NRF1: variants seen among roughly 807,000 people sequenced by gnomAD.
NRF1 encodes nuclear respiratory factor 1.
In NRF1, 5 loss-of-function variants were observed where a neutral mutation model predicts 58.5. The ratio of observed to expected loss-of-function variants is 0.09; its 90% CI spans 0.04 to 0.18. The LOEUF (loss-of-function observed/expected upper bound fraction) is 0.18, where lower values mean the gene tolerates loss of function less well. Ranked by LOEUF, NRF1 falls within the 10% of genes least tolerant of loss-of-function variation. The pLI is 1.00. For missense variants in NRF1, 288 were observed against 657.7 expected, an observed-to-expected ratio of 0.44 and a Z score of 6.15; for synonymous variants, 224 against 246.7, an observed-to-expected ratio of 0.91 and a Z score of 0.86.
At chr7:129,619,785 G>A (rs964348626) in intron 1 of NRF1, among the ~76,000 whole-genome samples, 5 of 134,136 alleles carry the variant, frequency 3.7e-5, no homozygotes, top group African/African-American at 1.4e-4. Flanking sequence ...TCTGAGAATT[G>A]GAGATTTCAT....
At chr7:129,680,465 A>G (rs903928517) in intron 4 of NRF1, among the ~76,000 whole-genome samples, 9 of 152,244 alleles carry the variant, frequency 5.9e-5, no homozygotes, top group Admixed American at 5.9e-4. Context: ...GAGAACTGAA[A>G]GCATATGTTC....
intron 4 of NRF1, among the ~76,000 whole-genome samples, chr7:129,683,730 G>A (rs951767914): frequency 6.8e-6 from 1 of 147,414 alleles, no homozygotes. Flanking sequence ...TGCCTCCCAG[G>A]TTCAAGCAAT....
At chr7:129,657,942 T>A (rs1801695794) in intron 2 of NRF1, among the ~76,000 whole-genome samples, 1 of 152,196 alleles carries the variant, frequency 6.6e-6, no homozygotes, top group South Asian at 2.1e-4. Context: ...CTTGCAGTTA[T>A]AACTTGAGCC....
At chr7:129,647,050 C>A (rs1801422202) in intron 1 of NRF1, among the ~76,000 whole-genome samples, 1 of 151,994 alleles carries the variant, frequency 6.6e-6, no homozygotes, top group African/African-American at 2.4e-5. Context: ...TTCTTTTTTT[C>A]TTCGAGATGG....
At chr7:129,677,601 C>T in intron 3 of NRF1, 31 bp from the exon 4 acceptor site, 1 of 1,611,034 alleles carries the variant, frequency 6.2e-7, no homozygotes, top group Non-Finnish European at 8.5e-7. Flanking sequence ...CTTTTTAAAA[C>T]TTTTTATTCT....
chr7:129,748,663 CAAAGT>C (rs1237629822), intron 10 of NRF1, among the ~76,000 whole-genome samples: 11 of 150,114 alleles, frequency 7.3e-5, no homozygotes, highest in Admixed American at 6.9e-4. Flanking sequence ...TAGGAGAAAG[CAAAGT>C]AATGTTTTTG....
At position 129,716,728 on chromosome 7, in the gene NRF1, AG is replaced by A. The variant is rs538781497; in HGVS notation, c.1066-487del. 6.5e-3 allele frequency among the ~76,000 whole-genome samples: 996 copies of A among 152,178 alleles called. 2 individuals are homozygous for A. Among genetic ancestry groups the A allele is most frequent in the Middle Eastern group, 0.01 (3 of 294 alleles). On this transcript the variant is annotated intron_variant, in intron 8 of 10. Transcript: ENST00000393232. ...TTTACCAAAAATACAAAAATTAGCC[AG>A]GGGTGGTGGTACACACCTATAGTCC...
chr7:129,612,284 C>G (rs951362899), intron 1 of NRF1, among the ~76,000 whole-genome samples: 28 of 100,980 alleles, frequency 2.8e-4, no homozygotes, highest in African/African-American at 9.6e-4. Flanking sequence ...CGGCCCTTCC[C>G]GGCTCTCGTA....
intron 10 of NRF1, among the ~76,000 whole-genome samples, chr7:129,728,316 C>G (rs992996251): frequency 3.9e-5 from 6 of 151,944 alleles, no homozygotes; most frequent in Admixed American, 3.9e-4. Context: ...GTCAGGAGTT[C>G]AAGACCAGCC....
At chr7:129,620,611 T>C (rs989474834) in intron 1 of NRF1, among the ~76,000 whole-genome samples, 1 of 152,216 alleles carries the variant, frequency 6.6e-6, no homozygotes, top group South Asian at 2.1e-4. Context: ...TGGTCTTGAA[T>C]TCCTGACCTT....
chr7:129,616,522 C>T (rs1021109701), intron 1 of NRF1, among the ~76,000 whole-genome samples: 2 of 152,306 alleles, frequency 1.3e-5, no homozygotes, highest in South Asian at 2.1e-4. Context: ...ATCACTTGAA[C>T]TTAGGAGTTT....
chr7:129,667,055 T>C (rs1197279885), intron 2 of NRF1, among the ~76,000 whole-genome samples: 3 of 152,168 alleles, frequency 2.0e-5, no homozygotes, highest in African/African-American at 7.2e-5. Context: ...CACTCATGAG[T>C]CACTGAAAGG....
chr7:129,725,384 AT>A (rs1412461107), intron 9 of NRF1, among the ~76,000 whole-genome samples: 10 of 146,592 alleles, frequency 6.8e-5, no homozygotes, highest in African/African-American at 2.5e-4. Context: ...CTGGAGTGCA[AT>A]GGCATGATAT....
intron 2 of NRF1, among the ~76,000 whole-genome samples, chr7:129,664,142 G>A (rs1801867523): frequency 6.6e-6 from 1 of 151,368 alleles, no homozygotes; most frequent in Non-Finnish European, 1.5e-5. Flanking sequence ...GGGGGAGGGG[G>A]AGGGGGAAAG....
Position 129,662,383 on chromosome 7 carries a change from A to AGTGTGTGT in NRF1, c.223+4842_223+4849dup, listed in dbSNP as rs3042950. Among the ~76,000 whole-genome samples the AGTGTGTGT allele has an allele frequency of 4.4e-3, 637 of 145,846 alleles. 4 individuals carry two copies. Among genetic ancestry groups the AGTGTGTGT allele is most frequent in the African/African-American group, 6.8e-3 (270 of 39,764 alleles). ...TTTTTCCTCCAGTTTTAGAATTTCT[A>AGTGTGTGT]GTGTGTGTGTGTGTGTGTGTGTGTG... On this transcript the variant is annotated intron_variant, in intron 2 of 10. Coordinates refer to ENST00000393232, the MANE Select transcript of NRF1 (RefSeq NM_005011.5).
chr7:129,631,639 T>TTA (rs1801052120), intron 1 of NRF1, among the ~76,000 whole-genome samples: 1 of 152,166 alleles, frequency 6.6e-6, no homozygotes, highest in Non-Finnish European at 1.5e-5. Flanking sequence ...TATCATAGCA[T>TTA]ATTATAAGAT....
At chr7:129,616,005 G>T (rs1164457061) in intron 1 of NRF1, among the ~76,000 whole-genome samples, 2 of 152,086 alleles carry the variant, frequency 1.3e-5, no homozygotes, top group Admixed American at 6.5e-5. Flanking sequence ...ATTTTTGACT[G>T]CTCAAGAAAA....
In NRF1 at chr7:129,624,388, A is replaced by G. The variant is rs35245568; in HGVS notation, c.-7+12564A>G. On this transcript the variant is annotated intron_variant, in intron 1 of 10. Transcript: ENST00000393232. ...CAAGCACAGTGCCTGAGACATAGCA[A>G]GCAGTATTTATTTGAATGATTGTAG... is the stretch of plus-strand genomic sequence containing the variant. 5.7e-3 allele frequency among the ~76,000 whole-genome samples: 869 copies of G among 152,320 alleles called. 4 individuals are homozygous for G. The highest frequency in any genetic ancestry group is 9.4e-3 in the Non-Finnish European group (642 of 68,032).
chr7:129,670,169 GC>G (rs1261430045), intron 2 of NRF1, among the ~76,000 whole-genome samples: 8 of 152,336 alleles, frequency 5.3e-5, no homozygotes, highest in Admixed American at 5.2e-4. Flanking sequence ...AATGGTGGTT[GC>G]CAGGGTCTGG....
Sources: gnomAD v4.1 joint callset for allele counts (sites outside exome capture counted in the v4.1 genomes callset) on GRCh38, gnomAD v4.1.1 for gene constraint, MANE v1.5 for transcripts, NCBI Gene and HGNC (gene_info 2026-07-23, HGNC 2026-07-21) for gene names.